The following AP3S1 variants were observed in gnomAD, a reference collection of about 807,000 sequenced individuals.
The protein encoded by AP3S1 is adaptor related protein complex 3 subunit sigma 1.
Under a neutral mutation model 21.3 loss-of-function variants are expected in AP3S1, and 12 were observed. The observed-to-expected ratio is 0.56, with a 90% confidence interval of 0.36 to 0.91. The LOEUF (loss-of-function observed/expected upper bound fraction) is 0.91. Among genes scored for constraint, AP3S1 ranks in the 40% least tolerant of loss-of-function variants. The probability of loss-of-function intolerance (pLI) is 0.01; values close to 1 mark genes in which losing one functional copy is unlikely to be tolerated. For missense variants in AP3S1, 116 were observed against 225.0 expected (o/e 0.52, Z 3.10); for synonymous variants, 48 against 78.4 (o/e 0.61, Z 2.05).
chr5:115,886,110 T>C (rs991543420), intron 3 of AP3S1, among the ~76,000 whole-genome samples: 9 of 152,188 alleles, frequency 5.9e-5, no homozygotes, highest in African/African-American at 2.2e-4. Flanking sequence ...GGTTAACCTT[T>C]TGCTTTAGAT....
intron 5 of AP3S1, among the ~76,000 whole-genome samples, chr5:115,907,971 A>T (rs1335910746): frequency 1.3e-5 from 2 of 152,200 alleles, no homozygotes; most frequent in Non-Finnish European, 2.9e-5. Context: ...TTACGAAGTT[A>T]GATTATGCAC....
intron 3 of AP3S1, among the ~76,000 whole-genome samples, chr5:115,875,546 C>T (rs958718491): frequency 2.5e-4 from 38 of 152,262 alleles, no homozygotes; most frequent in African/African-American, 8.9e-4. Context: ...GACTGTCCAG[C>T]ACTTGGAAAT....
At chr5:115,863,434 A>G (rs960110366) in intron 1 of AP3S1, among the ~76,000 whole-genome samples, 1 of 151,798 alleles carries the variant, frequency 6.6e-6, no homozygotes, top group Admixed American at 6.6e-5. Flanking sequence ...TTAGCTGGGC[A>G]TGGTGGCGGG....
chr5:115,890,950 C>T (rs978345997), intron 3 of AP3S1, among the ~76,000 whole-genome samples: 3 of 152,146 alleles, frequency 2.0e-5, no homozygotes, highest in African/African-American at 4.8e-5. Context: ...TATTATTACT[C>T]TCTCCAAAAA....
chr5:115,873,196 C>T (rs147027678), intron 3 of AP3S1, among the ~76,000 whole-genome samples: 6 of 152,256 alleles, frequency 3.9e-5, no homozygotes, highest in African/African-American at 1.2e-4. Context: ...GAAAGTAGTT[C>T]TATCTCCAAA....
chr5:115,857,246 C>T (rs976310803), intron 1 of AP3S1, among the ~76,000 whole-genome samples: 10 of 152,094 alleles, frequency 6.6e-5, no homozygotes, highest in Admixed American at 2.6e-4. Flanking sequence ...AGATAAGGCC[C>T]AGAGGTAGTA....
intron 3 of AP3S1, among the ~76,000 whole-genome samples, chr5:115,884,231 A>G (rs1414917786): frequency 1.3e-5 from 2 of 152,154 alleles, no homozygotes; most frequent in African/African-American, 4.8e-5. Flanking sequence ...AAATTTTTAA[A>G]TATCTCTTAA....
At position 115,913,349 on chromosome 5, in the gene AP3S1, C is replaced by A; in HGVS notation, c.454-13C>A. The A allele has an allele frequency of 1.4e-6, 1 of 727,270 alleles. No individual in the cohort carries two copies. Among genetic ancestry groups the A allele is most frequent in the Non-Finnish European group, 1.6e-6 (1 of 617,588 alleles). 45.1% of individuals were successfully genotyped at this position (727,270 alleles called of 1,614,324 possible). A position where few individuals can be genotyped will look rare whatever the true frequency, so the allele number is the denominator to read the frequency against. ...GTACATTTTCTTTTTCTTTTATTTG[C>A]TTCTGTATACAGGCTGGCTTAGCAG... On this transcript the variant is annotated splice_polypyrimidine_tract_variant and intron_variant, in intron 5 of 5. Transcript: ENST00000316788.
intron 1 of AP3S1, among the ~76,000 whole-genome samples, chr5:115,865,461 C>A (rs1763540773): frequency 6.6e-6 from 1 of 152,068 alleles, no homozygotes; most frequent in South Asian, 2.1e-4. Flanking sequence ...TGTTTTTGAT[C>A]TTCAAAAACT....
intron 1 of AP3S1, among the ~76,000 whole-genome samples, chr5:115,851,760 G>A (rs1181489967): frequency 1.3e-5 from 2 of 152,068 alleles, no homozygotes; most frequent in Non-Finnish European, 2.9e-5. Flanking sequence ...CTCTGATTCT[G>A]TGGTTGCCTT....
chr5:115,878,211 C>T (rs1253137116), intron 3 of AP3S1, among the ~76,000 whole-genome samples: 2 of 152,160 alleles, frequency 1.3e-5, no homozygotes, highest in Non-Finnish European at 2.9e-5. Flanking sequence ...TTAATTAGAT[C>T]CCATTTGTCA....
intron 3 of AP3S1, among the ~76,000 whole-genome samples, chr5:115,877,922 G>A (rs760699791): frequency 2.6e-5 from 4 of 152,136 alleles, no homozygotes; most frequent in Non-Finnish European, 5.9e-5. Context: ...TCTCATTGTG[G>A]TTTTGATTTG....
intron 3 of AP3S1, among the ~76,000 whole-genome samples, chr5:115,876,817 A>G (rs191859418): frequency 3.0e-3 from 462 of 152,250 alleles, no homozygotes; most frequent in African/African-American, 0.011. Context: ...TAGATTGTGC[A>G]TTTTGGGCAA....
chr5:115,859,678 G>A (rs1456469966), intron 1 of AP3S1, among the ~76,000 whole-genome samples: 1 of 152,192 alleles, frequency 6.6e-6, no homozygotes, highest in Non-Finnish European at 1.5e-5. Flanking sequence ...GAAATTGTGT[G>A]CCCTGGAAGT....
chr5:115,900,813 A>G (rs150395807), intron 4 of AP3S1, among the ~76,000 whole-genome samples: 1 of 152,296 alleles, frequency 6.6e-6, no homozygotes, highest in East Asian at 1.9e-4. Context: ...ATGTATGTAT[A>G]CACGCACAGC....
chr5:115,901,650 G>A (rs1428421790), intron 4 of AP3S1, among the ~76,000 whole-genome samples: 2 of 151,596 alleles, frequency 1.3e-5, no homozygotes, highest in African/African-American at 4.9e-5. Context: ...CACTTCCCGG[G>A]CTCAGGCAGT....
intron 1 of AP3S1, among the ~76,000 whole-genome samples, chr5:115,856,052 T>G (rs1232550741): frequency 6.6e-6 from 1 of 152,208 alleles, no homozygotes; most frequent in African/African-American, 2.4e-5. Flanking sequence ...TAAAAGTTTG[T>G]GCCCTTTTGT....
At chr5:115,868,154 T>C (rs1243317836) in intron 2 of AP3S1, among the ~76,000 whole-genome samples, 1 of 152,222 alleles carries the variant, frequency 6.6e-6, no homozygotes, top group African/African-American at 2.4e-5. Flanking sequence ...AGCTTAAAGA[T>C]AAGATTATAT....
At chr5:115,877,940 A>T (rs1156617419) in intron 3 of AP3S1, among the ~76,000 whole-genome samples, 3 of 152,140 alleles carry the variant, frequency 2.0e-5, no homozygotes, top group East Asian at 1.9e-4. Context: ...TTGCATTTCC[A>T]TAATGACCAG....
Sources: allele counts gnomAD v4.1 joint callset (sites outside exome capture counted in the v4.1 genomes callset), GRCh38; gene constraint gnomAD v4.1.1; transcripts MANE v1.5; gene names NCBI Gene and HGNC (gene_info 2026-07-23, HGNC 2026-07-21).